AOPEP: variants seen among roughly 807,000 people sequenced by gnomAD.
AOPEP encodes aminopeptidase O.
AOPEP carries 77 observed loss-of-function variants against 98.1 expected under a neutral mutation model. That is an observed-to-expected ratio of 0.78 (90% CI 0.65 to 0.95). AOPEP has a LOEUF of 0.95. AOPEP is among the 40% of genes least tolerant of loss of function. AOPEP has a pLI of 0.00. For synonymous variants in AOPEP, 346 were observed against 365.3 expected, an observed-to-expected ratio of 0.95 and a Z score of 0.60; for missense variants, 1,024 against 1,024.7, an observed-to-expected ratio of 1.00 and a Z score of 0.01.
At chr9:95,096,380 G>T in the AOPEP span, among the ~76,000 whole-genome samples, 4 of 152,140 alleles carry the variant, frequency 2.6e-5, no homozygotes, top group African/African-American at 9.7e-5. Context: ...TTCAGAACTC[G>T]CCCTGAGTCC....
chr9:94,899,861 T>C (rs2050154801), intron 5 of AOPEP, among the ~76,000 whole-genome samples: 1 of 152,196 alleles, frequency 6.6e-6, no homozygotes, highest in Admixed American at 6.5e-5. Flanking sequence ...GTAGGTTGCT[T>C]GAGTCCCAAC....
intron 7 of AOPEP, chr9:94,931,657 C>A: frequency 9.5e-7 from 1 of 1,048,516 alleles, no homozygotes; most frequent in Non-Finnish European, 1.4e-6. Context: ...CAAGATGCCC[C>A]ATGGTCTTGA....
chr9:94,748,769 C>T (rs1005994467), intron 1 of AOPEP, among the ~76,000 whole-genome samples: 16 of 152,120 alleles, frequency 1.1e-4, no homozygotes, highest in African/African-American at 3.6e-4. Flanking sequence ...TAGAATGTCC[C>T]TCAGTATGGG....
intron 13 of AOPEP, among the ~76,000 whole-genome samples, chr9:95,047,658 C>T (rs1265000873): frequency 1.3e-5 from 2 of 152,176 alleles, no homozygotes; most frequent in Non-Finnish European, 2.9e-5. Context: ...CTACCTCTCA[C>T]TTATTCTCAA....
intron 7 of AOPEP, chr9:94,932,915 G>T: frequency 1.7e-5 from 17 of 985,404 alleles, no homozygotes; most frequent in Non-Finnish European, 2.0e-5. Flanking sequence ...TGGCTGGAGA[G>T]CCTGTAATGT....
intron 12 of AOPEP, 80 bp from the exon 13 acceptor site, chr9:95,005,462 G>T (rs1017435025): frequency 2.2e-6 from 3 of 1,359,420 alleles, no homozygotes; most frequent in Non-Finnish European, 2.1e-6. Context: ...CGAGGCCGGG[G>T]GTCTCTGCTT....
chr9:95,009,631 C>T (rs2062337238), intron 13 of AOPEP, among the ~76,000 whole-genome samples: 1 of 152,156 alleles, frequency 6.6e-6, no homozygotes, highest in African/African-American at 2.4e-5. Context: ...AGCGAGTGGT[C>T]TTGGCTGGGG....
chr9:94,727,096 T>C (rs1829373875), intron 1 of AOPEP, among the ~76,000 whole-genome samples: 1 of 152,204 alleles, frequency 6.6e-6, no homozygotes, highest in Non-Finnish European at 1.5e-5. Context: ...CGGTCTCGGC[T>C]TCTAGCCCCA....
chr9:94,933,641 A>G (rs1276107358), intron 7 of AOPEP: 1 of 985,330 alleles, frequency 1.0e-6, no homozygotes. Flanking sequence ...ATGTAACCCT[A>G]TCCATAGCCA....
the AOPEP span, among the ~76,000 whole-genome samples, chr9:95,115,730 G>C: frequency 1.3e-5 from 2 of 152,184 alleles, no homozygotes; most frequent in African/African-American, 4.8e-5. Context: ...CACAAGGCCA[G>C]CGCCTCCCTC....
Position 95,082,641 on chromosome 9 carries a change from C to G in AOPEP, c.2386C>G (p.Arg796Gly). 6.2e-7 allele frequency: 1 copy of G among 1,614,196 alleles called. No individual in the cohort carries two copies. Among genetic ancestry groups the G allele is most frequent in the Non-Finnish European group, 8.5e-7 (1 of 1,180,032 alleles). ...GGACGCCAGACAGCAGCAGCTCGCC[C>G]GTAGGTGCTTCGAGCGGACCAAGGA... ...SEDARQQQLA[R>G]RCFERTKEQM... The change falls in exon 16 of 17, where the codon CGT (arginine) becomes GGT (glycine). Residue 796 changes from arginine to glycine, a missense_variant. By Grantham distance (125) the Arg-to-Gly change is moderately radical (BLOSUM62 -2). Coordinates refer to ENST00000375315, the MANE Select transcript of AOPEP (RefSeq NM_001193329.3).
At chr9:95,048,465 C>T (rs2066036497) in intron 13 of AOPEP, among the ~76,000 whole-genome samples, 1 of 149,430 alleles carries the variant, frequency 6.7e-6, no homozygotes, top group South Asian at 2.1e-4. Flanking sequence ...GCCTGGGGCG[C>T]AGGGGCGGGG....
intron 16 of AOPEP, chr9:95,086,267 C>T (rs2070685498): frequency 1.7e-6 from 2 of 1,211,494 alleles, no homozygotes; most frequent in Non-Finnish European, 2.1e-6. Flanking sequence ...ACTTGGAAAA[C>T]CCTGTTGGCA....
chr9:95,031,922 T>G (rs1435845393), intron 13 of AOPEP, among the ~76,000 whole-genome samples: 1 of 152,138 alleles, frequency 6.6e-6, no homozygotes, highest in African/African-American at 2.4e-5. Context: ...CGCCTCTTCT[T>G]TTGATTACAT....
intron 1 of AOPEP, among the ~76,000 whole-genome samples, chr9:94,759,200 C>T (rs778375465): frequency 1.7e-4 from 26 of 152,194 alleles, no homozygotes; most frequent in Non-Finnish European, 3.2e-4. Context: ...TAAATTATTA[C>T]TCTCAAGGAA....
chr9:94,964,029 G>A (rs1335195794), intron 9 of AOPEP, among the ~76,000 whole-genome samples: 1 of 152,228 alleles, frequency 6.6e-6, no homozygotes, highest in Non-Finnish European at 1.5e-5. Flanking sequence ...TCCATTGATA[G>A]ATGGTACAGA....
chr9:95,108,040 C>T, the AOPEP span, among the ~76,000 whole-genome samples: 1 of 152,230 alleles, frequency 6.6e-6, no homozygotes, highest in African/African-American at 2.4e-5. Flanking sequence ...CCAAATGCCA[C>T]ATGGAACTCG....
At chr9:94,849,382 T>C (rs2135120973) in intron 5 of AOPEP, among the ~76,000 whole-genome samples, 1 of 152,302 alleles carries the variant, frequency 6.6e-6, no homozygotes, top group South Asian at 2.1e-4. Flanking sequence ...TAAATATTCA[T>C]AGTAAATTGT....
chr9:95,111,763 C>A, the AOPEP span: 5 of 1,040,134 alleles, frequency 4.8e-6, no homozygotes, highest in Non-Finnish European at 7.4e-6. Context: ...GTGCAACCTG[C>A]AAGGAATACA....
Sources: gnomAD v4.1 joint callset for allele counts (sites outside exome capture counted in the v4.1 genomes callset) on GRCh38, gnomAD v4.1.1 for gene constraint, MANE v1.5 for transcripts, NCBI Gene and HGNC (gene_info 2026-07-23, HGNC 2026-07-21) for gene names.